ERMP1: variants seen among roughly 807,000 people sequenced by gnomAD.
ERMP1 encodes the protein Felix-ina.
Under a neutral mutation model 92.0 loss-of-function variants are expected in ERMP1, and 86 were observed. That is an observed-to-expected ratio of 0.93 (90% CI 0.79 to 1.12). The LOEUF is 1.12. ERMP1 is among the 50% of genes most tolerant of loss of function. The probability of loss-of-function intolerance (pLI) is 0.00; values close to 1 mark genes in which losing one functional copy is unlikely to be tolerated. For missense variants in ERMP1, 1,342 were observed against 1,116.3 expected (o/e 1.20, Z -2.88); for synonymous variants, 530 against 412.8 (o/e 1.28, Z -3.44).
rs569424202 is a variant in ERMP1, at chr9:5,860,520, C to T, written n.3056-909G>A. Among the ~76,000 whole-genome samples the T allele has an allele frequency of 3.9e-5, 6 of 152,086 alleles. No individual in the cohort carries two copies. The South Asian group carries it at 1.2e-3, about 32-fold the overall frequency. ...GCCATAACGTATGGGCTCAATTGCT[C>T]ATAACGTAACCAATGGCAAGTGACA... On this transcript the variant is annotated intron_variant and non_coding_transcript_variant, in intron 5 of 6. Coordinates refer to the ERMP1 transcript ENST00000690753.
chr9:5,800,845 T>A (rs1828643092), intron 11 of ERMP1, among the ~76,000 whole-genome samples: 1 of 152,256 alleles, frequency 6.6e-6, no homozygotes. Flanking sequence ...ACTCAGCCTG[T>A]ATACATTTTT....
At chr9:5,814,377 C>T (rs1041627553) in intron 4 of ERMP1, among the ~76,000 whole-genome samples, 1 of 152,124 alleles carries the variant, frequency 6.6e-6, no homozygotes, top group Non-Finnish European at 1.5e-5. Context: ...GACCAAGTAA[C>T]TGAATGTCAG....
At chr9:5,829,604 C>A (rs1319582511) in intron 2 of ERMP1, among the ~76,000 whole-genome samples, 3 of 152,216 alleles carry the variant, frequency 2.0e-5, no homozygotes. Context: ...CTCCATTACA[C>A]AGATGAGAAA....
chr9:5,827,400 A>G (rs543165404), intron 2 of ERMP1, among the ~76,000 whole-genome samples: 1 of 152,352 alleles, frequency 6.6e-6, no homozygotes, highest in Admixed American at 6.5e-5. Flanking sequence ...ACGTTTTGAG[A>G]AAGTTTATGA....
intron 13 of ERMP1, among the ~76,000 whole-genome samples, chr9:5,790,489 AC>A (rs1828143289): frequency 6.6e-6 from 1 of 152,200 alleles, no homozygotes; most frequent in South Asian, 2.1e-4. Flanking sequence ...TAAAAGAAAA[AC>A]AATTTCAACT....
At position 5,811,337 on chromosome 9, in the gene ERMP1, CAAAA is replaced by C. The variant is rs576879033; in HGVS notation, c.1115-18_1115-15del. ...AAATGTTGTCACCTATTAGTAAAAA[CAAAA>C]AAAAAAAGAAAGAAAAGGAAAAAGA... On this transcript the variant is annotated splice_polypyrimidine_tract_variant and intron_variant, in intron 6 of 14. Coordinates refer to ENST00000339450, the MANE Select transcript of ERMP1 (RefSeq NM_024896.3). 7.8e-6 allele frequency: 9 copies of C among 1,155,128 alleles called. No individual in the cohort carries two copies. Among genetic ancestry groups the C allele is most frequent in the Middle Eastern group, 2.1e-4 (1 of 4,664 alleles). The allele number at this position is 1,155,128 out of a possible 1,614,324, so 71.6% of individuals were successfully genotyped here. A position where few individuals can be genotyped will look rare whatever the true frequency, so the allele number is the denominator to read the frequency against.
chr9:5,866,564 C>T (rs1183725975), intron 5 of ERMP1, among the ~76,000 whole-genome samples: 1 of 152,134 alleles, frequency 6.6e-6, no homozygotes. Flanking sequence ...CTCAACCACT[C>T]CAAAAGACTG....
Position 5,785,857 on chromosome 9 carries a change from A to C in ERMP1, c.*1287T>G, listed in dbSNP as rs2131189491. 6.6e-6 allele frequency: 1 copy of C among 152,274 alleles called. No individual in the cohort carries two copies. Among genetic ancestry groups the C allele is most frequent in the East Asian group, 1.9e-4 (1 of 5,184 alleles). 9.4% of individuals were successfully genotyped at this position (152,274 alleles called of 1,614,324 possible). ...ATTTGTCCAACGTTTCACATTTCCTAATGATAAAAAGAAAGCTTGCACAGT... is the reference window on the plus strand; with the variant it reads ...ATTTGTCCAACGTTTCACATTTCCTCATGATAAAAAGAAAGCTTGCACAGT... On this transcript the variant is annotated 3_prime_UTR_variant, in exon 15 of 15. Transcript: ENST00000339450.
At position 5,832,898 on chromosome 9, in the gene ERMP1, T is replaced by C; in HGVS notation, c.130A>G (p.Ser44Gly). 2 of 1,556,136 alleles carry C rather than the reference T, an allele frequency of 1.3e-6. No individual in the cohort carries two copies. The highest frequency in any genetic ancestry group is 1.7e-6 in the Non-Finnish European group (2 of 1,161,692). The stretch of plus-strand genomic sequence containing the variant: ...CTCTTCCGCGTCCTCCCGCCGCCGC[T>C]GCACCCATCCACCAGAGGCTCCTGC... ...RAQEPLVDGC[S>G]GGGRTRKRSP... The change falls in exon 1 of 15, where the codon AGC becomes GGC. Residue 44 changes from serine (S) to glycine (G), a missense_variant. Transcript: ENST00000339450.
intron 1 of ERMP1, 80 bp downstream of exon 1, chr9:5,832,610 C>T: frequency 8.6e-7 from 1 of 1,157,970 alleles, no homozygotes; most frequent in Non-Finnish European, 1.1e-6. Flanking sequence ...GGGGCGGGTG[C>T]ACACAGGTGC....
chr9:5,863,782 T>C (rs1341048027), intron 5 of ERMP1, among the ~76,000 whole-genome samples: 1 of 152,230 alleles, frequency 6.6e-6, no homozygotes, highest in East Asian at 1.9e-4. Flanking sequence ...ATGTGTATCT[T>C]TTATTATTAT....
upstream of ERMP1, chr9:5,833,205 G>A: frequency 1.7e-6 from 1 of 578,514 alleles, no homozygotes; most frequent in Non-Finnish European, 2.8e-6. Context: ...GGCAGTTCTC[G>A]GGTGCACACA....
chr9:5,847,723 G>A (rs1563781054), intron 6 of ERMP1, among the ~76,000 whole-genome samples: 1 of 151,892 alleles, frequency 6.6e-6, no homozygotes, highest in African/African-American at 2.4e-5. Context: ...GTAAAACCCT[G>A]TGTCTACTAC....
intron 5 of ERMP1, 33 bp from the exon 6 acceptor site, chr9:5,812,250 T>A: frequency 7.4e-7 from 1 of 1,358,772 alleles, no homozygotes; most frequent in South Asian, 1.3e-5. Flanking sequence ...AAAAAGTCAT[T>A]TTGCTTTAAA....
chr9:5,810,467 A>G (rs1452676397), intron 7 of ERMP1, among the ~76,000 whole-genome samples: 1 of 152,186 alleles, frequency 6.6e-6, no homozygotes, highest in African/African-American at 2.4e-5. Context: ...CAAAAAGATA[A>G]ATCTTCTAGG....
upstream of ERMP1, among the ~76,000 whole-genome samples, chr9:5,835,193 A>C (rs1461864818): frequency 2.6e-5 from 4 of 152,174 alleles, no homozygotes; most frequent in African/African-American, 9.7e-5. Flanking sequence ...GTTTTTCTCT[A>C]TACTTGTATA....
At chr9:5,861,245 T>G (rs1830486461) in intron 5 of ERMP1, among the ~76,000 whole-genome samples, 1 of 105,656 alleles carries the variant, frequency 9.5e-6, no homozygotes, top group South Asian at 4.2e-4. Flanking sequence ...AGTAAAGTAC[T>G]GGAGAGGGAA....
intron 10 of ERMP1, among the ~76,000 whole-genome samples, chr9:5,802,530 G>C (rs1321927682): frequency 6.6e-6 from 1 of 152,128 alleles, no homozygotes; most frequent in Non-Finnish European, 1.5e-5. Flanking sequence ...AATTACAAGT[G>C]TGCACCACCG....
intron 6 of ERMP1, among the ~76,000 whole-genome samples, chr9:5,843,215 C>T (rs1809429129): frequency 6.6e-6 from 1 of 152,206 alleles, no homozygotes; most frequent in African/African-American, 2.4e-5. Flanking sequence ...ACCCTGGCTC[C>T]ACCTAAATCA....
Sources: gnomAD v4.1 joint callset for allele counts (sites outside exome capture counted in the v4.1 genomes callset) on GRCh38, gnomAD v4.1.1 for gene constraint, MANE v1.5 for transcripts, NCBI Gene and HGNC (gene_info 2026-07-23, HGNC 2026-07-21) for gene names.